The following FGFR2 variants were observed in gnomAD, a reference collection of about 807,000 sequenced individuals.
FGFR2 encodes fibroblast growth factor receptor 2, also known as BEK fibroblast growth factor receptor.
A neutral mutation model predicts 95.9 loss-of-function variants in FGFR2; 19 were observed. The ratio of observed to expected loss-of-function variants is 0.20; its 90% confidence interval spans 0.14 to 0.29. The LOEUF is 0.29. FGFR2 is among the 10% of genes least tolerant of loss of function. FGFR2 has a pLI of 1.00. For synonymous variants in FGFR2, 392 were observed against 393.3 expected, an observed-to-expected ratio of 1.00 and a Z score of 0.04; for missense variants, 707 against 1,056.9, an observed-to-expected ratio of 0.67 and a Z score of 4.59.
At chr10:121,577,798 G>A (rs1432262859) in intron 2 of FGFR2, among the ~76,000 whole-genome samples, 1 of 151,994 alleles carries the variant, frequency 6.6e-6, no homozygotes, top group Non-Finnish European at 1.5e-5. Flanking sequence ...CCCGGGGGGA[G>A]GAAATACATA....
At chr10:121,564,328 C>T in intron 4 of FGFR2, 174 bp downstream of exon 4, 1 of 649,152 alleles carries the variant, frequency 1.5e-6, no homozygotes, top group Non-Finnish European at 2.8e-6. Context: ...GAAGGCTGTG[C>T]AGCAACACTG....
chr10:121,495,344 G>A (rs554813507), intron 13 of FGFR2, among the ~76,000 whole-genome samples: 6 of 152,068 alleles, frequency 3.9e-5, no homozygotes, highest in East Asian at 1.9e-4. Context: ...GCAAAACCCC[G>A]TCTCTACCAA....
chr10:121,585,187 T>C lies in FGFR2; in HGVS notation c.109+8522A>G, dbSNP rs1861649053. Among the ~76,000 whole-genome samples, 3 of 152,322 alleles carry C rather than the reference T, an allele frequency of 2.0e-5. No individual in the cohort carries two copies. In the South Asian group the frequency reaches 6.2e-4, roughly 32 times the overall value. The stretch of plus-strand genomic sequence containing the variant: ...AAAAAAAATTTCAACCTTGAACCAT[T>C]TGGACTGCAAGCAGCAGGATGATCC... On this transcript the variant is annotated intron_variant, in intron 2 of 17. Transcript: ENST00000358487.
Position 121,555,761 on chromosome 10 carries a change from T to C in FGFR2, c.455-4302A>G, listed in dbSNP as rs1431572818. ...CACCAGCATATAGCATACCTACTCA[T>C]TATCATTTTCTACACTGTAACAGTC... On this transcript the variant is annotated intron_variant, in intron 4 of 17. Coordinates refer to ENST00000358487, the MANE Select transcript of FGFR2 (RefSeq NM_000141.5). 2.0e-5 allele frequency among the ~76,000 whole-genome samples: 3 copies of C among 152,190 alleles called. No individual in the cohort carries two copies. In the East Asian group the frequency reaches 5.8e-4, roughly 29 times the overall value.
At chr10:121,497,391 T>C (rs925520763) in intron 12 of FGFR2, among the ~76,000 whole-genome samples, 2 of 152,228 alleles carry the variant, frequency 1.3e-5, no homozygotes, top group Non-Finnish European at 2.9e-5. Context: ...ATATTATTTT[T>C]AATCACATAA....
At chr10:121,564,043 G>A (rs1352749693) in intron 4 of FGFR2, among the ~76,000 whole-genome samples, 1 of 152,142 alleles carries the variant, frequency 6.6e-6, no homozygotes. Context: ...CCCAGCTAAA[G>A]GCCACCAGCA....
At chr10:121,544,277 C>G (rs1854182138) in intron 5 of FGFR2, among the ~76,000 whole-genome samples, 1 of 151,920 alleles carries the variant, frequency 6.6e-6, no homozygotes, top group African/African-American at 2.4e-5. Context: ...GAAACCCTGT[C>G]TCTACTAAAA....
intron 8 of FGFR2, among the ~76,000 whole-genome samples, chr10:121,516,784 A>G (rs1373536510): frequency 2.0e-5 from 3 of 152,226 alleles, no homozygotes; most frequent in African/African-American, 7.2e-5. Flanking sequence ...CCGAAAGTCC[A>G]TCCTATCGCA....
chr10:121,577,178 T>TATATATATATAG, intron 2 of FGFR2, among the ~76,000 whole-genome samples: 18 of 5,214 alleles, frequency 3.5e-3, no homozygotes, highest in East Asian at 0.024. Context: ...TATATATATA[T>TATATATATATAG]AGAGAGAGAG....
intron 2 of FGFR2, among the ~76,000 whole-genome samples, chr10:121,572,322 C>A (rs1858932745): frequency 6.6e-6 from 1 of 151,834 alleles, no homozygotes; most frequent in Admixed American, 6.6e-5. Flanking sequence ...GAACCTGTCT[C>A]CAAAAATAAA....
At chr10:121,506,005 C>T (rs1465159292) in intron 9 of FGFR2, among the ~76,000 whole-genome samples, 3 of 152,132 alleles carry the variant, frequency 2.0e-5, no homozygotes, top group Non-Finnish European at 4.4e-5. Flanking sequence ...AATCACCACT[C>T]ATTGCAGGGG....
At chr10:121,548,224 T>C (rs1198040937) in intron 5 of FGFR2, among the ~76,000 whole-genome samples, 1 of 135,348 alleles carries the variant, frequency 7.4e-6, no homozygotes, top group Non-Finnish European at 1.6e-5. Flanking sequence ...TCCAAATGTG[T>C]GGCCCTCTGC....
intron 2 of FGFR2, 21 bp from the exon 3 acceptor site, chr10:121,565,725 G>A (rs2135125960): frequency 2.5e-6 from 4 of 1,614,102 alleles, no homozygotes; most frequent in Non-Finnish European, 3.4e-6. Context: ...GTGGGAGAGA[G>A]AAGACGGAGA....
chr10:121,498,382 T>C, intron 12 of FGFR2, 113 bp downstream of exon 12: 1 of 758,234 alleles, frequency 1.3e-6, no homozygotes, highest in South Asian at 1.4e-5. Context: ...AAAAGAACTT[T>C]AAACATGCAC....
intron 2 of FGFR2, chr10:121,583,512 G>A (rs1440172600): frequency 6.6e-6 from 1 of 152,196 alleles, no homozygotes; most frequent in African/African-American, 2.4e-5. Context: ...TCTCCCATTG[G>A]TCTCCTTGGC....
chr10:121,557,875 G>C (rs193010495), intron 4 of FGFR2, among the ~76,000 whole-genome samples: 2 of 152,118 alleles, frequency 1.3e-5, no homozygotes, highest in Admixed American at 1.3e-4. Context: ...ATTTTCCCTA[G>C]GTACTTCCAA....
intron 2 of FGFR2, among the ~76,000 whole-genome samples, chr10:121,579,240 C>T (rs1860437987): frequency 6.6e-6 from 1 of 152,198 alleles, no homozygotes; most frequent in Admixed American, 6.5e-5. Context: ...GTGAGGGGCA[C>T]GTCTGAGAGC....
chr10:121,547,867 G>A, intron 5 of FGFR2, among the ~76,000 whole-genome samples: 1 of 152,194 alleles, frequency 6.6e-6, no homozygotes, highest in East Asian at 1.9e-4. Context: ...GCCCACAGGT[G>A]GGAATGAGCC....
chr10:121,535,132 G>A (rs571928050), intron 6 of FGFR2, among the ~76,000 whole-genome samples: 2 of 152,272 alleles, frequency 1.3e-5, no homozygotes, highest in South Asian at 4.1e-4. Flanking sequence ...AGATTGGAGC[G>A]GTGCCTCTAC....
Sources: allele counts gnomAD v4.1 joint callset (sites outside exome capture counted in the v4.1 genomes callset), GRCh38; gene constraint gnomAD v4.1.1; transcripts MANE v1.5; gene names NCBI Gene and HGNC (gene_info 2026-07-23, HGNC 2026-07-21).